The following ZMIZ1 variants were observed in gnomAD, a reference collection of about 807,000 sequenced individuals.
ZMIZ1 encodes zinc finger MIZ-type containing 1.
ZMIZ1 carries 17 observed loss-of-function variants against 113.9 expected under a neutral mutation model. The observed-to-expected ratio is 0.15, with a 90% confidence interval of 0.10 to 0.22. The LOEUF (loss-of-function observed/expected upper bound fraction) is 0.22, where lower values mean the gene tolerates loss of function less well. Among genes scored for constraint, ZMIZ1 ranks in the 10% least tolerant of loss-of-function variants. The pLI is 1.00. For missense variants in ZMIZ1, 1,059 were observed against 1,477.8 expected (o/e 0.72, Z 4.65); for synonymous variants, 607 against 603.1 (o/e 1.01, Z -0.09).
chr10:79,137,036 G>T (rs1338467973), intron 2 of ZMIZ1, among the ~76,000 whole-genome samples: 1 of 152,196 alleles, frequency 6.6e-6, no homozygotes, highest in Non-Finnish European at 1.5e-5. Context: ...AATTTGTTGT[G>T]ATTTCTTTTC....
intron 10 of ZMIZ1, 118 bp from the exon 11 acceptor site, chr10:79,292,040 C>A: frequency 9.9e-7 from 1 of 1,010,338 alleles, no homozygotes; most frequent in Non-Finnish European, 1.5e-6. Context: ...TCCCAAGAGG[C>A]CCCGTCCCCT....
intron 2 of ZMIZ1, among the ~76,000 whole-genome samples, chr10:79,138,221 G>A (rs1351722369): frequency 2.6e-5 from 4 of 152,228 alleles, no homozygotes; most frequent in African/African-American, 4.8e-5. Context: ...GAGGCCCAGA[G>A]GCAGTGCAAG....
At position 79,069,504 on chromosome 10, in the gene ZMIZ1, C is replaced by A. The variant is rs1285740794; in HGVS notation, c.-337+234C>A. Among the ~76,000 whole-genome samples, 2 of 151,596 alleles carry A rather than the reference C, an allele frequency of 1.3e-5. No individual in the cohort carries two copies. Among genetic ancestry groups the A allele is most frequent in the Non-Finnish European group, 2.9e-5 (2 of 67,858 alleles). On this transcript the variant is annotated intron_variant, in intron 1 of 24. Coordinates refer to ENST00000334512, the MANE Select transcript of ZMIZ1 (RefSeq NM_020338.4). The surrounding 1 kb of genome is among the most constrained non-coding windows in gnomAD (Gnocchi z 4.6). ...CTGCGCGGAGCCGGCTTGGGCTGCG[C>A]GTGGGGGCCGGGTTTGTCAGGGTGT...
At chr10:79,090,589 T>G (rs1842955957) in intron 1 of ZMIZ1, among the ~76,000 whole-genome samples, 1 of 152,134 alleles carries the variant, frequency 6.6e-6, no homozygotes, top group South Asian at 2.1e-4. Flanking sequence ...GGCTTTGAGG[T>G]GCAAGAACAA....
At chr10:79,146,062 C>T (rs766619716) in intron 3 of ZMIZ1, among the ~76,000 whole-genome samples, 5 of 152,142 alleles carry the variant, frequency 3.3e-5, no homozygotes, top group Non-Finnish European at 5.9e-5. Flanking sequence ...TTTTTGCGGC[C>T]TTCCTGAGAT....
At chr10:79,208,726 G>T (rs1353359478) in intron 6 of ZMIZ1, among the ~76,000 whole-genome samples, 2 of 152,234 alleles carry the variant, frequency 1.3e-5, no homozygotes, top group Non-Finnish European at 2.9e-5. Flanking sequence ...GCAGGTCACT[G>T]TTCCATCATA....
chr10:79,069,022 C>CGAGCGGCGGCGGCGGGCGCCGGGGA lies in ZMIZ1; in HGVS notation c.-578_-554dup, dbSNP rs1462963155. On this transcript the variant is annotated 5_prime_UTR_variant, in exon 1 of 25. Transcript: ENST00000334512. This position sits in a 1 kb window ranked among gnomAD's most constrained non-coding sequence, Gnocchi z 4.6. Reference sequence around the variant, plus strand: ...TCACTGTCTGTGGACATTAAAAAAGCGAGCGGCGGCGGCGGGCGCCGGGGA... The same window carrying CGAGCGGCGGCGGCGGGCGCCGGGGA: ...TCACTGTCTGTGGACATTAAAAAAGCGAGCGGCGGCGGCGGGCGCCGGGGAGAGCGGCGGCGGCGGGCGCCGGGGA... 2.6e-4 allele frequency: 39 copies of CGAGCGGCGGCGGCGGGCGCCGGGGA among 151,610 alleles called. No homozygotes were observed. The highest frequency in any genetic ancestry group is 1.3e-3 in the Admixed American group (20 of 15,124). The allele number at this position is 151,610 out of a possible 1,614,324, so 9.4% of individuals were successfully genotyped here. A position where few individuals can be genotyped will look rare whatever the true frequency, so the allele number is the denominator to read the frequency against.
intron 4 of ZMIZ1, among the ~76,000 whole-genome samples, chr10:79,163,008 A>G (rs1402738504): frequency 6.6e-6 from 1 of 152,224 alleles, no homozygotes; most frequent in Non-Finnish European, 1.5e-5. Flanking sequence ...TTCAGGGTTG[A>G]TCTCACTTGG....
intron 4 of ZMIZ1, among the ~76,000 whole-genome samples, chr10:79,191,930 G>A (rs1278219834): frequency 6.6e-6 from 1 of 152,254 alleles, no homozygotes; most frequent in African/African-American, 2.4e-5. Context: ...AGAACCTAGT[G>A]TTTAGCACAT....
intron 3 of ZMIZ1, among the ~76,000 whole-genome samples, chr10:79,145,451 G>C (rs1845442271): frequency 1.3e-5 from 2 of 151,456 alleles, no homozygotes; most frequent in South Asian, 4.2e-4. Context: ...CTAGGGTTGG[G>C]GTCTCCGGGT....
intron 19 of ZMIZ1, among the ~76,000 whole-genome samples, chr10:79,304,655 A>G (rs1854559261): frequency 6.6e-6 from 1 of 152,226 alleles, no homozygotes; most frequent in Non-Finnish European, 1.5e-5. Flanking sequence ...TGTGGTGGGC[A>G]TGCAGAAGGG....
At chr10:79,307,895 C>T (rs1325514932) in intron 23 of ZMIZ1, among the ~76,000 whole-genome samples, 2 of 152,162 alleles carry the variant, frequency 1.3e-5, no homozygotes, top group Admixed American at 1.3e-4. Context: ...CTCCCTCTCC[C>T]ACTTGCACAA....
intron 7 of ZMIZ1, among the ~76,000 whole-genome samples, chr10:79,262,740 C>A (rs1181916916): frequency 6.6e-6 from 1 of 152,174 alleles, no homozygotes; most frequent in Non-Finnish European, 1.5e-5. Flanking sequence ...AAAAGAGTGA[C>A]ATGTATTCTC....
chr10:79,217,015 G>A (rs140243114), intron 7 of ZMIZ1, among the ~76,000 whole-genome samples: 9 of 152,312 alleles, frequency 5.9e-5, no homozygotes, highest in East Asian at 1.9e-4. Flanking sequence ...GCTTTAAGCC[G>A]GACAGACCTG....
intron 2 of ZMIZ1, among the ~76,000 whole-genome samples, chr10:79,137,465 G>A (rs564167812): frequency 6.6e-6 from 1 of 152,358 alleles, no homozygotes; most frequent in Admixed American, 6.5e-5. Flanking sequence ...CGGACTAGGT[G>A]TGGCAGGCCA....
intron 1 of ZMIZ1, among the ~76,000 whole-genome samples, chr10:79,100,643 G>A (rs946280177): frequency 1.3e-5 from 2 of 152,206 alleles, no homozygotes; most frequent in Non-Finnish European, 2.9e-5. Context: ...AGTAGCTGCA[G>A]TGGCTGCTTG....
chr10:79,218,879 AG>A (rs542258217), intron 7 of ZMIZ1, among the ~76,000 whole-genome samples: 1 of 152,086 alleles, frequency 6.6e-6, no homozygotes, highest in Non-Finnish European at 1.5e-5. Flanking sequence ...GCCCAGAGGC[AG>A]GGGGTACATG....
intron 3 of ZMIZ1, among the ~76,000 whole-genome samples, chr10:79,156,227 G>T (rs1049340277): frequency 6.6e-6 from 1 of 152,184 alleles, no homozygotes; most frequent in Admixed American, 6.5e-5. Context: ...AAACCAAGTC[G>T]CAGGGATGTT....
chr10:79,268,566 T>C (rs1383597620), intron 7 of ZMIZ1, among the ~76,000 whole-genome samples: 7 of 152,244 alleles, frequency 4.6e-5, no homozygotes. Context: ...ATCTGTTGGC[T>C]GCATAGCATG....
Sources: allele counts gnomAD v4.1 joint callset (sites outside exome capture counted in the v4.1 genomes callset), GRCh38; gene constraint gnomAD v4.1.1; non-coding constraint Gnocchi (gnomAD v3.1); transcripts MANE v1.5; gene names NCBI Gene and HGNC (gene_info 2026-07-23, HGNC 2026-07-21).